The following DPP6 variants were observed in gnomAD, a reference collection of about 807,000 sequenced individuals.
DPP6 encodes A-type potassium channel modulatory protein DPP6.
In DPP6, 69 loss-of-function variants were observed where a neutral mutation model predicts 122.6. The observed-to-expected ratio is 0.56, with a 90% CI of 0.46 to 0.69. DPP6 has a LOEUF of 0.69. Ranked by LOEUF, DPP6 falls within the 30% of genes least tolerant of loss-of-function variation. The pLI, the probability that DPP6 is intolerant of heterozygous loss-of-function variation, is 0.00. For synonymous variants in DPP6, 418 were observed against 433.1 expected (o/e 0.97, Z 0.43); for missense variants, 928 against 1,116.9 (o/e 0.83, Z 2.41).
In DPP6 at chr7:154,348,624, T is replaced by C. The variant is rs543816886; in HGVS notation, c.244-97590T>C. On this transcript the variant is annotated intron_variant, in intron 1 of 25. Coordinates refer to ENST00000377770, the MANE Select transcript of DPP6 (RefSeq NM_130797.4). ...CAGCATCTTCATCTCAGGAAGACTT[T>C]TGGGTCAGGTTCTGTTCATTTCATT... Among the ~76,000 whole-genome samples the C allele has an allele frequency of 5.9e-5, 9 of 152,238 alleles. No individual in the cohort carries two copies. The East Asian group carries it at 1.7e-3, about 29-fold the overall frequency.
chr7:154,096,978 G>A (rs1440688801), intron 1 of DPP6, among the ~76,000 whole-genome samples: 2 of 152,222 alleles, frequency 1.3e-5, no homozygotes, highest in Non-Finnish European at 2.9e-5. Flanking sequence ...AAAGACCCAC[G>A]GTTTTGTTGG....
At chr7:154,754,217 A>G (rs937122378) in intron 8 of DPP6, among the ~76,000 whole-genome samples, 2 of 152,258 alleles carry the variant, frequency 1.3e-5, no homozygotes, top group Non-Finnish European at 2.9e-5. Context: ...TCTGCAGCGC[A>G]TCATAAAAGG....
intron 1 of DPP6, among the ~76,000 whole-genome samples, chr7:153,920,168 G>A (rs1418204096): frequency 6.6e-6 from 1 of 151,820 alleles, no homozygotes; most frequent in Non-Finnish European, 1.5e-5. Context: ...CCAACAGGCT[G>A]TTGTAGATTG....
chr7:154,207,812 G>T (rs896409641), intron 1 of DPP6, among the ~76,000 whole-genome samples: 1 of 152,036 alleles, frequency 6.6e-6, no homozygotes, highest in Non-Finnish European at 1.5e-5. Context: ...TAACGTAGCC[G>T]GATGCGATGG....
At chr7:153,814,588 A>C in the DPP6 span, among the ~76,000 whole-genome samples, 39 of 152,278 alleles carry the variant, frequency 2.6e-4, no homozygotes, top group Non-Finnish European at 5.0e-4. Context: ...AAAAGAGGGA[A>C]TCCTCCCTAA....
At chr7:154,826,143 G>A (rs557884598) in intron 16 of DPP6, among the ~76,000 whole-genome samples, 26 of 152,342 alleles carry the variant, frequency 1.7e-4, no homozygotes, top group South Asian at 6.2e-4. Flanking sequence ...TGCACATTCC[G>A]AGTTTGGCAC....
At chr7:154,795,929 C>A in intron 12 of DPP6, 46 bp downstream of exon 12, 1 of 1,584,852 alleles carries the variant, frequency 6.3e-7, no homozygotes, top group Non-Finnish European at 8.6e-7. Context: ...CCACCTGATC[C>A]ACCCCAGGGC....
intron 5 of DPP6, among the ~76,000 whole-genome samples, chr7:154,570,596 G>A (rs2130561676): frequency 6.6e-6 from 1 of 152,254 alleles, no homozygotes; most frequent in Non-Finnish European, 1.5e-5. Flanking sequence ...TGTAATAAAA[G>A]GAAAATACCT....
chr7:154,405,057 A>G (rs1815963185), intron 1 of DPP6, among the ~76,000 whole-genome samples: 1 of 152,248 alleles, frequency 6.6e-6, no homozygotes, highest in African/African-American at 2.4e-5. Context: ...ACGTATGCAA[A>G]TGCATATATT....
chr7:154,639,980 C>T (rs763648821), intron 6 of DPP6, among the ~76,000 whole-genome samples: 12 of 152,106 alleles, frequency 7.9e-5, no homozygotes, highest in Non-Finnish European at 1.0e-4. Flanking sequence ...TAAAAAAACT[C>T]GTGGCTCACA....
At chr7:153,891,538 C>T (rs1799204665) in intron 1 of DPP6, among the ~76,000 whole-genome samples, 1 of 152,084 alleles carries the variant, frequency 6.6e-6, no homozygotes, top group African/African-American at 2.4e-5. Context: ...GGCTGATGTG[C>T]ACTTTTTCAA....
At chr7:154,801,205 G>A in intron 12 of DPP6, 150 bp from the exon 13 acceptor site, 1 of 1,096,964 alleles carries the variant, frequency 9.1e-7, no homozygotes, top group Non-Finnish European at 1.3e-6. Flanking sequence ...CGAGGAAAGT[G>A]ACGGCCTCAT....
At chr7:153,995,529 C>T (rs1244285741) in intron 1 of DPP6, among the ~76,000 whole-genome samples, 1 of 132,634 alleles carries the variant, frequency 7.5e-6, no homozygotes, top group Non-Finnish European at 1.5e-5. Flanking sequence ...GCAGAGCTTG[C>T]AGTAAGCGGA....
rs1357733838 is a variant in DPP6, at chr7:154,875,501, T to C, written c.1884-405T>C. Among the ~76,000 whole-genome samples, 1 of 152,202 alleles carries C rather than the reference T, an allele frequency of 6.6e-6. No individual in the cohort carries two copies. The highest frequency in any genetic ancestry group is 1.5e-5 in the Non-Finnish European group (1 of 68,032). ...CTAGAGTCAGCGCGGCCTTGTCACT[T>C]GTGATGGGTACTGAGAGGTACAGCC... On this transcript the variant is annotated intron_variant, in intron 19 of 25. Coordinates refer to ENST00000377770, the MANE Select transcript of DPP6 (RefSeq NM_130797.4). This position sits in a 1 kb window ranked among gnomAD's most constrained non-coding sequence, Gnocchi z 4.5.
At chr7:154,816,728 G>A (rs1010522165) in intron 16 of DPP6, among the ~76,000 whole-genome samples, 1 of 152,202 alleles carries the variant, frequency 6.6e-6, no homozygotes, top group Non-Finnish European at 1.5e-5. Flanking sequence ...GGTGGCTGAC[G>A]TGCATGAAGT....
chr7:154,133,876 T>G (rs931187548), intron 1 of DPP6, among the ~76,000 whole-genome samples: 165 of 150,234 alleles, frequency 1.1e-3, no homozygotes, highest in African/African-American at 3.9e-3. Flanking sequence ...CAGGACCGAG[T>G]GAGTCTCTCA....
chr7:154,420,669 G>A (rs286826), intron 1 of DPP6, among the ~76,000 whole-genome samples: 135,339 of 152,202 alleles, frequency 0.89, 60,977 homozygotes, highest in East Asian at 1. Flanking sequence ...ATAATAATGT[G>A]TATTTCAAAA....
At chr7:154,803,784 C>T in intron 13 of DPP6, 80 bp from the exon 14 acceptor site, 1 of 1,528,380 alleles carries the variant, frequency 6.5e-7, no homozygotes, top group Non-Finnish European at 8.8e-7. Context: ...ACCTGGTGTC[C>T]AAAACAGTTG....
chr7:154,096,494 A>C (rs1208735917), intron 1 of DPP6, among the ~76,000 whole-genome samples: 1 of 145,984 alleles, frequency 6.9e-6, no homozygotes, highest in African/African-American at 2.5e-5. Flanking sequence ...GCTAGTGTGC[A>C]TAAGGTGCTA....
Sources: gnomAD v4.1 joint callset for allele counts (sites outside exome capture counted in the v4.1 genomes callset) on GRCh38, gnomAD v4.1.1 for gene constraint, Gnocchi (gnomAD v3.1) non-coding constraint, MANE v1.5 for transcripts, NCBI Gene and HGNC (gene_info 2026-07-23, HGNC 2026-07-21) for gene names.